COL27A1: variants seen among roughly 807,000 people sequenced by gnomAD.
The protein encoded by COL27A1 is collagen type XXVII alpha 1 chain.
COL27A1 carries 106 observed loss-of-function variants against 251.3 expected under a neutral mutation model. The ratio of observed to expected loss-of-function variants is 0.42; its 90% CI spans 0.36 to 0.50. COL27A1 has a LOEUF of 0.50. COL27A1 is among the 20% of genes least tolerant of loss of function. The probability of loss-of-function intolerance (pLI) is 0.00; values close to 1 mark genes in which losing one functional copy is unlikely to be tolerated. For synonymous variants in COL27A1, 1,000 were observed against 986.3 expected (o/e 1.01, Z -0.26); for missense variants, 2,325 against 2,522.8 (o/e 0.92, Z 1.68).
At chr9:114,182,200 AAATAAT>A (rs1236113733) in intron 4 of COL27A1, among the ~76,000 whole-genome samples, 1 of 137,326 alleles carries the variant, frequency 7.3e-6, no homozygotes, top group Non-Finnish European at 1.5e-5. Context: ...AAAATAATAA[AAATAAT>A]AAAATAAAAA....
In COL27A1 at chr9:114,292,135, C is replaced by T. The variant is rs200048466; in HGVS notation, c.4509C>T (p.Pro1503=). The T allele has an allele frequency of 1.9e-6, 3 of 1,560,722 alleles. No individual in the cohort carries two copies. The highest frequency in any genetic ancestry group is 4.8e-5 in the East Asian group (2 of 41,638). The change falls in exon 49 of 61, where the codon CCC becomes CCT. Residue 1503 remains proline, a synonymous_variant. Coordinates refer to ENST00000356083, the MANE Select transcript of COL27A1 (RefSeq NM_032888.4). ...GESGLPGQLG[P]PGKRGTEGRT... ...GTGGGTTACCCGGACAGCTGGGTCC[C>T]CCTGGCAAGCGAGGAACAGAGGGCA...
At chr9:114,195,865 C>A in intron 6 of COL27A1, 94 bp from the exon 7 acceptor site, 1 of 989,518 alleles carries the variant, frequency 1.0e-6, no homozygotes, top group Non-Finnish European at 1.6e-6. Context: ...TGGAAACAAC[C>A]AGCCATTGGA....
chr9:114,256,673 T>G (rs1833943383), intron 27 of COL27A1, among the ~76,000 whole-genome samples: 1 of 152,150 alleles, frequency 6.6e-6, no homozygotes, highest in Non-Finnish European at 1.5e-5. Context: ...ACTTTGTCAC[T>G]TCACCTTCTA....
chr9:114,289,231 T>A lies in COL27A1; in HGVS notation c.4153-11T>A. The A allele has an allele frequency of 6.4e-7, 1 of 1,562,134 alleles. No homozygotes were observed. Among genetic ancestry groups the A allele is most frequent in the Admixed American group, 1.8e-5 (1 of 54,848 alleles). ...TGGGGCTGCCTTGCGTCATCTCACCTTGGTTTGCAGGGGCATCCGGGACCC... is the reference window on the plus strand; with the variant it reads ...TGGGGCTGCCTTGCGTCATCTCACCATGGTTTGCAGGGGCATCCGGGACCC... On this transcript the variant is annotated splice_polypyrimidine_tract_variant and intron_variant, in intron 44 of 60. Coordinates refer to ENST00000356083, the MANE Select transcript of COL27A1 (RefSeq NM_032888.4).
Position 114,222,223 on chromosome 9 carries a change from G to A in COL27A1, c.2422G>A (p.Gly808Arg). The change falls in exon 14 of 61, where the codon GGA (glycine) becomes AGA (arginine). Residue 808 changes from glycine (G) to arginine (R), a missense_variant and splice_region_variant. Gly to Arg is a moderately radical substitution (Grantham distance 125). This residue lies in a region of COL27A1 where 1,183 missense variants were observed against 1,144.1 expected (regional missense o/e 1.03). Transcript: ENST00000356083. ...CACCTTGGTCTCTCTCTATCTGCAG[G>A]GAGAACTGGGCCTGCCAGGCCCCCC... ...RGPPGLDGNP[G>R]ELGLPGPPGV... The A allele has an allele frequency of 6.2e-7, 1 of 1,613,694 alleles. No individual in the cohort carries two copies. The highest frequency in any genetic ancestry group is 8.5e-7 in the Non-Finnish European group (1 of 1,179,622).
chr9:114,199,990 C>T (rs1440894357), intron 7 of COL27A1, among the ~76,000 whole-genome samples: 1 of 152,180 alleles, frequency 6.6e-6, no homozygotes, highest in Non-Finnish European at 1.5e-5. Context: ...CCCCCAGCTC[C>T]CTCCTGTTGC....
At chr9:114,173,446 G>C (rs1394197100) in intron 3 of COL27A1, among the ~76,000 whole-genome samples, 2 of 152,270 alleles carry the variant, frequency 1.3e-5, no homozygotes, top group African/African-American at 4.8e-5. Flanking sequence ...TCCTGCCAGG[G>C]AGATGAGGAG....
intron 14 of COL27A1, among the ~76,000 whole-genome samples, chr9:114,226,074 A>G (rs1416815952): frequency 1.3e-5 from 2 of 151,818 alleles, no homozygotes; most frequent in African/African-American, 2.4e-5. Flanking sequence ...CAGGCCCTCA[A>G]GAAAACTGTG....
chr9:114,194,397 G>T lies in COL27A1; in HGVS notation c.2017-7G>T. ...TGGTGGCCAAAGTGGAATTGTTTTT[G>T]TTTCAGGGACAGAAAGGGGACCCAG... On this transcript the variant is annotated splice_polypyrimidine_tract_variant and splice_region_variant and intron_variant, in intron 5 of 60. Transcript: ENST00000356083. The T allele has an allele frequency of 3.7e-6, 6 of 1,613,412 alleles. No individual in the cohort carries two copies. Among genetic ancestry groups the T allele is most frequent in the Non-Finnish European group, 5.1e-6 (6 of 1,179,738 alleles).
At chr9:114,307,531 C>A in intron 58 of COL27A1, 138 bp from the exon 59 acceptor site, 1 of 672,746 alleles carries the variant, frequency 1.5e-6, no homozygotes, top group Non-Finnish European at 2.7e-6. Context: ...TTGGAGGAAT[C>A]CCTTTTCTGC....
In COL27A1 at chr9:114,300,103, G is replaced by A. The variant is rs148165104; in HGVS notation, c.4618G>A (p.Ala1540Thr). 5.0e-6 allele frequency: 8 copies of A among 1,614,020 alleles called. No individual in the cohort carries two copies. In the African/African-American group the frequency reaches 9.3e-5, roughly 19 times the overall value. The part of the protein sequence containing the change: ...DSGEMGFPGM[A>T]GLFGPKGPPG... ...TGGCGAGATGGGCTTCCCAGGAATG[G>A]CAGGTCTCTTCGGACCCAAGGTATG... is the stretch of plus-strand genomic sequence containing the variant. The change falls in exon 50 of 61, where the codon GCA becomes ACA. Residue 1540 changes from alanine to threonine, a missense_variant. Transcript: ENST00000356083.
rs1441285300 is a variant in COL27A1, at chr9:114,196,019, T to C, written c.2124+7T>C. 7 of 1,613,604 alleles carry C rather than the reference T, an allele frequency of 4.3e-6. No individual in the cohort carries two copies. In the South Asian group the frequency reaches 7.7e-5, roughly 18 times the overall value. On this transcript the variant is annotated splice_region_variant and intron_variant, in intron 7 of 60. Coordinates refer to ENST00000356083, the MANE Select transcript of COL27A1 (RefSeq NM_032888.4). Reference sequence around the variant, plus strand: ...AGGACCTCCGGGACGAAAGGTACTGTTTGGTTTTGATGCTTTGCCTTGCGC... The same window carrying C: ...AGGACCTCCGGGACGAAAGGTACTGCTTGGTTTTGATGCTTTGCCTTGCGC...
Position 114,252,663 on chromosome 9 carries a change from C to T in COL27A1, c.3087+17C>T, listed in dbSNP as rs1423568984. 6.2e-7 allele frequency: 1 copy of T among 1,611,314 alleles called. No homozygotes were observed. The highest frequency in any genetic ancestry group is 8.5e-7 in the Non-Finnish European group (1 of 1,177,632). On this transcript the variant is annotated intron_variant, in intron 26 of 60. Transcript: ENST00000356083. ...GGGTCGATGGTAAGGAGTAAGTCTG[C>T]ATCCTCTTGCCCTCTCCTGTTGCAG...
chr9:114,264,208 G>A lies in COL27A1; in HGVS notation c.3196-147G>A. On this transcript the variant is annotated intron_variant, in intron 28 of 60. Coordinates refer to ENST00000356083, the MANE Select transcript of COL27A1 (RefSeq NM_032888.4). Reference sequence around the variant, plus strand: ...GCGCTGCACGAGGGTGACCACCTCAGTGGGGAGTGTGTGGGAAGTGGGAGG... The same window carrying A: ...GCGCTGCACGAGGGTGACCACCTCAATGGGGAGTGTGTGGGAAGTGGGAGG... The A allele has an allele frequency of 8.7e-6, 5 of 575,044 alleles. No individual in the cohort carries two copies. In the South Asian group the frequency reaches 1.1e-4, roughly 13 times the overall value. 35.6% of individuals were successfully genotyped at this position (575,044 alleles called of 1,614,324 possible).
intron 4 of COL27A1, among the ~76,000 whole-genome samples, chr9:114,180,841 G>A (rs558343721): frequency 2.0e-5 from 3 of 152,168 alleles, no homozygotes; most frequent in Non-Finnish European, 4.4e-5. Flanking sequence ...GGGACGGGGG[G>A]GCAGGGAAAC....
intron 24 of COL27A1, among the ~76,000 whole-genome samples, chr9:114,250,284 G>A (rs1412147752): frequency 6.6e-6 from 1 of 152,216 alleles, no homozygotes; most frequent in Non-Finnish European, 1.5e-5. Context: ...CCTCTTCCCA[G>A]CTCAGCTTAA....
At chr9:114,165,111 C>T (rs566171877) in intron 2 of COL27A1, among the ~76,000 whole-genome samples, 1 of 152,302 alleles carries the variant, frequency 6.6e-6, no homozygotes, top group African/African-American at 2.4e-5. Context: ...CTCCTAACAA[C>T]CCTATGGTGT....
At chr9:114,162,862 G>C in intron 2 of COL27A1, 77 bp downstream of exon 2, 1 of 1,010,488 alleles carries the variant, frequency 9.9e-7, no homozygotes, top group Non-Finnish European at 1.5e-6. Flanking sequence ...GTAGGAGACA[G>C]CCGTGCCTGT....
chr9:114,247,630 A>G (rs1833234385), intron 24 of COL27A1, among the ~76,000 whole-genome samples: 1 of 152,246 alleles, frequency 6.6e-6, no homozygotes, highest in African/African-American at 2.4e-5. Context: ...TCATTTGGTC[A>G]GCAGAACACC....
Sources: gnomAD v4.1 joint callset for allele counts (sites outside exome capture counted in the v4.1 genomes callset) on GRCh38, gnomAD v4.1.1 for gene constraint, gnomAD v4.1.1 regional missense constraint, MANE v1.5 for transcripts, NCBI Gene and HGNC (gene_info 2026-07-23, HGNC 2026-07-21) for gene names.